The following HECW1 variants were observed in gnomAD, a reference collection of about 807,000 sequenced individuals.
The protein encoded by HECW1 is HECT, C2 and WW domain containing E3 ubiquitin protein ligase 1.
A neutral mutation model predicts 182.3 loss-of-function variants in HECW1; 61 were observed. The observed-to-expected ratio is 0.33, with a 90% CI of 0.27 to 0.41. HECW1 has a LOEUF of 0.41. HECW1 is among the 10% of genes least tolerant of loss of function. The pLI, the probability that HECW1 is intolerant of heterozygous loss-of-function variation, is 1.00. For synonymous variants in HECW1, 859 were observed against 832.6 expected (o/e 1.03, Z -0.55); for missense variants, 1,739 against 2,108.9 (o/e 0.82, Z 3.44).
intron 6 of HECW1, among the ~76,000 whole-genome samples, chr7:43,378,821 A>T (rs986851326): frequency 6.6e-6 from 1 of 151,968 alleles, no homozygotes; most frequent in African/African-American, 2.4e-5. Flanking sequence ...AAAAATAAAA[A>T]CAAAAGAAGG....
rs557570463 is a variant in HECW1, at chr7:43,340,314, G to A, written c.460+19572G>A. 1.8e-3 allele frequency among the ~76,000 whole-genome samples: 267 copies of A among 145,766 alleles called. 7 individuals carry two copies. The highest frequency in any genetic ancestry group is 6.9e-3 in the African/African-American group (260 of 37,582). On this transcript the variant is annotated intron_variant, in intron 5 of 29. Coordinates refer to ENST00000395891, the MANE Select transcript of HECW1 (RefSeq NM_015052.5). ...CAGCTCACTGCAACCGCTGCCTCCC[G>A]GGTTCAAGCAATTCTCCTGCTTCAG...
Position 43,425,902 on chromosome 7 carries a change from C to A in HECW1, c.802-12101C>A, listed in dbSNP as rs548232053. 1.3e-5 allele frequency among the ~76,000 whole-genome samples: 2 copies of A among 152,074 alleles called. 1 individual carries two copies. Among genetic ancestry groups the A allele is most frequent in the South Asian group, 4.2e-4 (2 of 4,808 alleles). ...GTTTTCGTAGGGATATTCAAGCCAC[C>A]GCAGAGAAGAGGACATATATTATTT... On this transcript the variant is annotated intron_variant, in intron 8 of 29. Transcript: ENST00000395891.
intron 4 of HECW1, among the ~76,000 whole-genome samples, chr7:43,313,110 G>T (rs928432709): frequency 3.3e-5 from 5 of 152,074 alleles, no homozygotes; most frequent in Admixed American, 1.3e-4. Context: ...AATATTCTTG[G>T]GTCTCTTAAA....
chr7:43,351,493 G>A (rs1814444093), intron 5 of HECW1, among the ~76,000 whole-genome samples: 1 of 152,118 alleles, frequency 6.6e-6, no homozygotes, highest in South Asian at 2.1e-4. Flanking sequence ...GGTGGGGGCA[G>A]GGCTAGACGT....
At chr7:43,502,379 A>G (rs1321666578) in intron 21 of HECW1, among the ~76,000 whole-genome samples, 2 of 152,240 alleles carry the variant, frequency 1.3e-5, no homozygotes, top group Non-Finnish European at 2.9e-5. Context: ...TATTTTCGCC[A>G]GACACAATGG....
intron 2 of HECW1, among the ~76,000 whole-genome samples, chr7:43,159,108 T>TATTG (rs940056910): frequency 7.9e-6 from 1 of 126,992 alleles, no homozygotes; most frequent in Non-Finnish European, 1.6e-5. Flanking sequence ...TCTGACAGTT[T>TATTG]ATTTATTTAT....
chr7:43,394,266 T>A (rs1263576363), intron 6 of HECW1, among the ~76,000 whole-genome samples: 1 of 152,152 alleles, frequency 6.6e-6, no homozygotes, highest in East Asian at 1.9e-4. Context: ...GAGGATGTGG[T>A]CTCTGAACTG....
intron 21 of HECW1, among the ~76,000 whole-genome samples, chr7:43,501,822 C>T (rs2152924636): frequency 6.6e-6 from 1 of 150,426 alleles, no homozygotes; most frequent in East Asian, 2.0e-4. Flanking sequence ...CAAAGAGAGT[C>T]CCTATCTAAA....
chr7:43,367,836 G>T (rs1183453044), intron 6 of HECW1, among the ~76,000 whole-genome samples: 1 of 152,146 alleles, frequency 6.6e-6, no homozygotes, highest in East Asian at 1.9e-4. Context: ...ATTTATTCTA[G>T]CTGAGAATCC....
intron 3 of HECW1, among the ~76,000 whole-genome samples, chr7:43,279,626 T>TC (rs1264471127): frequency 2.0e-5 from 3 of 152,306 alleles, no homozygotes; most frequent in Admixed American, 6.5e-5. Context: ...GCCCTCCTTG[T>TC]CCCCATTTCA....
intron 7 of HECW1, among the ~76,000 whole-genome samples, chr7:43,399,864 T>C (rs1310942514): frequency 6.6e-6 from 1 of 152,216 alleles, no homozygotes; most frequent in Non-Finnish European, 1.5e-5. Context: ...TAATGCTCAG[T>C]AGTTGGCTAT....
chr7:43,192,542 G>A (rs905872079), intron 2 of HECW1, among the ~76,000 whole-genome samples: 1 of 149,274 alleles, frequency 6.7e-6, no homozygotes, highest in Non-Finnish European at 1.5e-5. Flanking sequence ...AAAGAAAAAA[G>A]TGGTACACTA....
rs770282511 is a variant in HECW1 at position 43,561,892 on chromosome 7, CA to C, written c.4788del (p.Val1597Ter). The C allele has an allele frequency of 6.2e-7, 1 of 1,613,534 alleles. No individual in the cohort carries two copies. The highest frequency in any genetic ancestry group is 8.5e-7 in the Non-Finnish European group (1 of 1,179,400). On this transcript the variant is annotated frameshift_variant, in exon 30 of 30. Transcript: ENST00000395891. LOFTEE classifies it high-confidence loss of function. ...ATGTTGTATGAAAAGCTGTTAACAG[CA>C]GTAGAGGAAACCAGCACCTTTGGAC... ...YSMLYEKLLT[A>X]VEETSTFGLE
intron 16 of HECW1, among the ~76,000 whole-genome samples, chr7:43,472,197 A>T (rs1261204117): frequency 1.3e-5 from 2 of 152,230 alleles, no homozygotes; most frequent in African/African-American, 4.8e-5. Flanking sequence ...CTAAAGCAGA[A>T]GGAAGGAACC....
intron 6 of HECW1, among the ~76,000 whole-genome samples, chr7:43,373,243 T>TCTG (rs1391136786): frequency 3.5e-5 from 5 of 143,820 alleles, no homozygotes; most frequent in African/African-American, 1.3e-4. Context: ...AGAGTCTCCC[T>TCTG]CTGTTGCTCA....
Position 43,124,827 on chromosome 7 carries a change from A to T in HECW1, c.-32+10436A>T, listed in dbSNP as rs187919540. Among the ~76,000 whole-genome samples, 19 of 152,328 alleles carry T rather than the reference A, an allele frequency of 1.2e-4. No homozygotes were observed. The East Asian group carries it at 3.7e-3, about 29-fold the overall frequency. ...TTTTAAGATAAATTTTATAATTTTAAGATTTTTTTTCTCACTCAACTTAAT... is the reference window on the plus strand; with the variant it reads ...TTTTAAGATAAATTTTATAATTTTATGATTTTTTTTCTCACTCAACTTAAT... On this transcript the variant is annotated intron_variant, in intron 2 of 29. Transcript: ENST00000395891.
At chr7:43,323,763 C>T (rs1810429959) in intron 5 of HECW1, among the ~76,000 whole-genome samples, 1 of 152,212 alleles carries the variant, frequency 6.6e-6, no homozygotes, top group South Asian at 2.1e-4. Flanking sequence ...CGCGGTGACT[C>T]ATGCCTATAA....
intron 5 of HECW1, among the ~76,000 whole-genome samples, chr7:43,349,849 A>T (rs1814180760): frequency 6.6e-6 from 1 of 152,220 alleles, no homozygotes; most frequent in African/African-American, 2.4e-5. Flanking sequence ...TTTACATTCA[A>T]TGTAAGTATC....
chr7:43,125,940 T>C (rs1268658186), intron 2 of HECW1, among the ~76,000 whole-genome samples: 1 of 151,940 alleles, frequency 6.6e-6, no homozygotes, highest in Non-Finnish European at 1.5e-5. Context: ...CCTTGCTTTC[T>C]AACCTGGCTT....
Sources: gnomAD v4.1 joint callset for allele counts (sites outside exome capture counted in the v4.1 genomes callset) on GRCh38, gnomAD v4.1.1 for gene constraint, MANE v1.5 for transcripts, NCBI Gene and HGNC (gene_info 2026-07-23, HGNC 2026-07-21) for gene names.